Variants in PIP5K1B observed in about 807,000 individuals in gnomAD.
The protein encoded by PIP5K1B is phosphatidylinositol-4-phosphate 5-kinase type 1 beta, also known as phosphatidylinositol 4-phosphate 5-kinase type-1 beta.
PIP5K1B carries 42 observed loss-of-function variants against 67.0 expected under a neutral mutation model. The ratio of observed to expected loss-of-function variants is 0.63; its 90% CI spans 0.49 to 0.81. The LOEUF is 0.81. PIP5K1B is among the 30% of genes least tolerant of loss of function. The pLI is 0.00. For synonymous variants in PIP5K1B, 214 were observed against 231.4 expected (o/e 0.92, Z 0.68); for missense variants, 459 against 646.3 (o/e 0.71, Z 3.14).
intron 8 of PIP5K1B, among the ~76,000 whole-genome samples, chr9:68,911,812 G>A (rs964424104): frequency 2.6e-4 from 39 of 152,164 alleles, no homozygotes; most frequent in African/African-American, 8.0e-4. Context: ...GAGCCCAAAA[G>A]GTCAAGGCTG....
At chr9:68,861,424 G>A (rs1019935426) in intron 4 of PIP5K1B, among the ~76,000 whole-genome samples, 2 of 152,204 alleles carry the variant, frequency 1.3e-5, no homozygotes, top group African/African-American at 4.8e-5. Context: ...ATAACACTAG[G>A]TGTAGACTAG....
rs775897239 is a variant in PIP5K1B, at chr9:68,991,127, T to C, written c.1503-13T>C. 1.3e-6 allele frequency: 2 copies of C among 1,485,008 alleles called. No individual in the cohort carries two copies. The highest frequency in any genetic ancestry group is 1.9e-6 in the Non-Finnish European group (2 of 1,062,008). 92.0% of individuals were successfully genotyped at this position (1,485,008 alleles called of 1,614,324 possible). ...GGGGGCCTCATGCCCATCATTCATC[T>C]TTATTTTTCCAGCAAAGGGTTACCT... On this transcript the variant is annotated splice_polypyrimidine_tract_variant and intron_variant, in intron 14 of 15. Transcript: ENST00000265382.
chr9:68,820,887 A>G (rs1833699561), intron 3 of PIP5K1B, among the ~76,000 whole-genome samples: 1 of 152,204 alleles, frequency 6.6e-6, no homozygotes, highest in African/African-American at 2.4e-5. Flanking sequence ...GAAAAAACAT[A>G]TTTTATCTTA....
At chr9:68,985,781 A>G (rs947513635) in intron 14 of PIP5K1B, among the ~76,000 whole-genome samples, 1 of 152,198 alleles carries the variant, frequency 6.6e-6, no homozygotes, top group Non-Finnish European at 1.5e-5. Flanking sequence ...CTCTCATGTC[A>G]TCAAGCCAGA....
At chr9:68,955,448 G>T (rs186607345) in intron 14 of PIP5K1B, among the ~76,000 whole-genome samples, 1 of 152,232 alleles carries the variant, frequency 6.6e-6, no homozygotes, top group Admixed American at 6.5e-5. Flanking sequence ...CATTTGTCCC[G>T]TGTGTCATTC....
At chr9:68,831,795 C>A (rs1276797437) in intron 4 of PIP5K1B, among the ~76,000 whole-genome samples, 3 of 152,102 alleles carry the variant, frequency 2.0e-5, no homozygotes, top group Non-Finnish European at 2.9e-5. Context: ...CCTGCCTCAG[C>A]CTCCTGAGTA....
chr9:68,808,581 C>CT (rs1832997125), intron 2 of PIP5K1B, among the ~76,000 whole-genome samples: 1 of 152,212 alleles, frequency 6.6e-6, no homozygotes, highest in African/African-American at 2.4e-5. Context: ...TGGCGACTTT[C>CT]TTCTGTCTAA....
intron 14 of PIP5K1B, among the ~76,000 whole-genome samples, chr9:68,964,443 G>A (rs1828915835): frequency 6.6e-6 from 1 of 152,156 alleles, no homozygotes; most frequent in African/African-American, 2.4e-5. Flanking sequence ...TGAATAAATT[G>A]GCATCTCACT....
intron 8 of PIP5K1B, 114 bp from the exon 9 acceptor site, chr9:68,917,434 C>G (rs1371323035): frequency 1.3e-6 from 1 of 770,508 alleles, no homozygotes; most frequent in African/African-American, 1.7e-5. Flanking sequence ...AGCCACCCCG[C>G]TGGGAGGAAT....
intron 1 of PIP5K1B, among the ~76,000 whole-genome samples, chr9:68,724,578 T>C (rs1828062834): frequency 6.6e-6 from 1 of 152,142 alleles, no homozygotes; most frequent in Non-Finnish European, 1.5e-5. Context: ...AGACATCTTT[T>C]CATTTTTTGT....
At chr9:68,794,614 C>T (rs890467991) in intron 2 of PIP5K1B, among the ~76,000 whole-genome samples, 2 of 151,658 alleles carry the variant, frequency 1.3e-5, no homozygotes, top group African/African-American at 4.9e-5. Context: ...TATAGTTCCA[C>T]ACCCATGACA....
intron 14 of PIP5K1B, among the ~76,000 whole-genome samples, chr9:68,985,886 G>A (rs963473251): frequency 6.6e-6 from 1 of 152,192 alleles, no homozygotes; most frequent in African/African-American, 2.4e-5. Flanking sequence ...TATGACTGGC[G>A]TCTTTCACTT....
intron 2 of PIP5K1B, chr9:68,780,220 G>C: frequency 5.8e-6 from 9 of 1,540,554 alleles, no homozygotes; most frequent in Non-Finnish European, 7.8e-6. Flanking sequence ...ACGGGCGGGA[G>C]CCCGGCGGAG....
At chr9:68,708,692 T>C (rs890312668) in intron 1 of PIP5K1B, among the ~76,000 whole-genome samples, 3 of 152,206 alleles carry the variant, frequency 2.0e-5, no homozygotes, top group African/African-American at 7.2e-5. Context: ...TTTCAGGAGA[T>C]GCTAATACTG....
chr9:68,857,959 TTTGTTGTTGTTGTTGTTG>T (rs71353086), intron 4 of PIP5K1B, among the ~76,000 whole-genome samples: 2 of 149,306 alleles, frequency 1.3e-5, no homozygotes, highest in African/African-American at 4.9e-5. Flanking sequence ...CTCTTGCTGT[TTTGTTGTTGTTGTTGTTG>T]TTGTTGTTGT....
At chr9:68,963,873 C>T (rs1828883244) in intron 14 of PIP5K1B, among the ~76,000 whole-genome samples, 1 of 152,170 alleles carries the variant, frequency 6.6e-6, no homozygotes, top group Admixed American at 6.5e-5. Flanking sequence ...CTGACAGTAG[C>T]TTTCAATGGG....
At chr9:68,956,746 G>A (rs1828416951) in intron 14 of PIP5K1B, among the ~76,000 whole-genome samples, 1 of 152,188 alleles carries the variant, frequency 6.6e-6, no homozygotes, top group Admixed American at 6.5e-5. Flanking sequence ...CCAAGTAACA[G>A]GTAAGTATGG....
chr9:68,995,314 T>C (rs1043600038), intron 15 of PIP5K1B, among the ~76,000 whole-genome samples: 1 of 152,216 alleles, frequency 6.6e-6, no homozygotes, highest in Admixed American at 6.5e-5. Flanking sequence ...AATCACCTCC[T>C]GTACCATAAA....
chr9:68,846,492 C>A, intron 4 of PIP5K1B, among the ~76,000 whole-genome samples: 1 of 152,208 alleles, frequency 6.6e-6, no homozygotes, highest in East Asian at 1.9e-4. Context: ...TTAGTCCTTA[C>A]ATCTGCTGGA....
Sources: allele counts gnomAD v4.1 joint callset (sites outside exome capture counted in the v4.1 genomes callset), GRCh38; gene constraint gnomAD v4.1.1; transcripts MANE v1.5; gene names NCBI Gene and HGNC (gene_info 2026-07-23, HGNC 2026-07-21).